The following ARHGEF16 variants were observed in gnomAD, a reference collection of about 807,000 sequenced individuals.
The protein encoded by ARHGEF16 is Rho guanine nucleotide exchange factor 16, also known as Rho guanine exchange factor (GEF) 16.
ARHGEF16 carries 59 observed loss-of-function variants against 74.1 expected under a neutral mutation model. The ratio of observed to expected loss-of-function variants is 0.80; its 90% CI spans 0.65 to 0.99. The LOEUF is 0.99. Ranked by LOEUF, ARHGEF16 falls within the 50% of genes least tolerant of loss-of-function variation. The pLI is 0.00. For synonymous variants in ARHGEF16, 415 were observed against 412.6 expected, an observed-to-expected ratio of 1.01 and a Z score of -0.07; for missense variants, 948 against 986.6, an observed-to-expected ratio of 0.96 and a Z score of 0.52.
At chr1:3,477,775 TG>T in intron 10 of ARHGEF16, 99 bp from the exon 11 acceptor site, 2 of 1,137,142 alleles carry the variant, frequency 1.8e-6, no homozygotes, top group African/African-American at 3.1e-5. Context: ...CAGTCCCACC[TG>T]GTGCTATGCG....
intron 1 of ARHGEF16, among the ~76,000 whole-genome samples, chr1:3,461,374 A>G (rs1202574147): frequency 6.6e-6 from 1 of 152,142 alleles, no homozygotes; most frequent in African/African-American, 2.4e-5. Context: ...TTCCCACCGT[A>G]CCTTCAGGAG....
intron 10 of ARHGEF16, among the ~76,000 whole-genome samples, chr1:3,477,651 G>T (rs1039329423): frequency 5.9e-4 from 14 of 23,850 alleles, no homozygotes; most frequent in African/African-American, 1.2e-3. Flanking sequence ...TATCGGGCAG[G>T]GTCTGGTCCG....
chr1:3,480,741 A>G lies in ARHGEF16; in HGVS notation c.*154A>G, dbSNP rs1298181148. 1.9e-6 allele frequency: 2 copies of G among 1,061,792 alleles called. No homozygotes were observed. The highest frequency in any genetic ancestry group is 3.3e-5 in the South Asian group (2 of 59,956). The allele number at this position is 1,061,792 out of a possible 1,614,324, so 65.8% of individuals were successfully genotyped here. A position where few individuals can be genotyped will look rare whatever the true frequency, so the allele number is the denominator to read the frequency against. ...GTGGCTGTGGTGCCGGGCTCCAGAC[A>G]CTTCACGGAAGGAAGATCACATGTC... On this transcript the variant is annotated 3_prime_UTR_variant, in exon 15 of 15. Transcript: ENST00000378378.
intron 10 of ARHGEF16, among the ~76,000 whole-genome samples, chr1:3,477,321 A>ACCCCATCACCCCACAACCCAC (rs1639910266): frequency 1.2e-4 from 1 of 8,474 alleles, no homozygotes; most frequent in African/African-American, 5.0e-4. Context: ...CACACTACCC[A>ACCCCATCACCCCACAACCCAC]CCCCATCACC....
At chr1:3,458,443 C>G (rs2100730236) in intron 1 of ARHGEF16, among the ~76,000 whole-genome samples, 1 of 152,372 alleles carries the variant, frequency 6.6e-6, no homozygotes, top group South Asian at 2.1e-4. Context: ...CTCCCCTTCA[C>G]TGGCTCCACC....
intron 8 of ARHGEF16, 74 bp downstream of exon 8, chr1:3,473,596 G>GAC (rs757678347): frequency 2.5e-6 from 4 of 1,590,164 alleles, no homozygotes; most frequent in Non-Finnish European, 3.4e-6. Context: ...GCCCCGGATG[G>GAC]AGCATTACGT....
intron 2 of ARHGEF16, among the ~76,000 whole-genome samples, chr1:3,465,372 C>T (rs1356472884): frequency 9.2e-5 from 14 of 151,900 alleles, no homozygotes; most frequent in Non-Finnish European, 1.5e-5. Context: ...GGAGGGTTAG[C>T]GCAGAGGCAG....
intron 1 of ARHGEF16, among the ~76,000 whole-genome samples, chr1:3,462,377 CAT>C (rs1006544816): frequency 5.9e-5 from 9 of 152,200 alleles, no homozygotes; most frequent in African/African-American, 2.2e-4. Flanking sequence ...CCGCGACAGT[CAT>C]ATCACTGTGT....
At position 3,473,380 on chromosome 1, in the gene ARHGEF16, T is replaced by C; in HGVS notation, c.1176-13T>C. 6.3e-7 allele frequency: 1 copy of C among 1,599,184 alleles called. No individual in the cohort carries two copies. The highest frequency in any genetic ancestry group is 2.2e-5 in the East Asian group (1 of 44,730). On this transcript the variant is annotated splice_polypyrimidine_tract_variant and intron_variant, in intron 7 of 14. Coordinates refer to ENST00000378378, the MANE Select transcript of ARHGEF16 (RefSeq NM_014448.4). ...CATGCAGAGCCTGGAAGGACAGCCT[T>C]GTCCTCTTGCAGAAGCAGCAACGCC... is the stretch of plus-strand genomic sequence containing the variant.
chr1:3,462,351 A>G (rs901984023), intron 1 of ARHGEF16, among the ~76,000 whole-genome samples: 4 of 152,184 alleles, frequency 2.6e-5, no homozygotes, highest in Non-Finnish European at 4.4e-5. Context: ...GTGTGTGGAA[A>G]GGTTCCATGG....
At chr1:3,466,263 G>C in intron 3 of ARHGEF16, 70 bp downstream of exon 3, 1 of 1,471,676 alleles carries the variant, frequency 6.8e-7, no homozygotes, top group Admixed American at 2.6e-5. Context: ...GGCACCCTGG[G>C]GTTCGGGTGG....
At chr1:3,469,936 A>G (rs1488418948) in intron 6 of ARHGEF16, among the ~76,000 whole-genome samples, 1 of 152,242 alleles carries the variant, frequency 6.6e-6, no homozygotes, top group African/African-American at 2.4e-5. Context: ...AGTGGTGGCC[A>G]CAAGCTGCTC....
chr1:3,474,707 G>T lies in ARHGEF16; in HGVS notation c.1306-1G>T. 1 of 1,612,776 alleles carries T rather than the reference G, an allele frequency of 6.2e-7. No homozygotes were observed. The highest frequency in any genetic ancestry group is 1.1e-5 in the South Asian group (1 of 91,086). ...CTGTCCCATGTCTGTTGTCCATCCA[G>T]ACGCTCTGCCTCAAGACCCAGGGCC... On this transcript the variant is annotated splice_acceptor_variant, in intron 8 of 14. Coordinates refer to ENST00000378378, the MANE Select transcript of ARHGEF16 (RefSeq NM_014448.4). LOFTEE classifies it high-confidence loss of function.
rs1035069959 is a variant in ARHGEF16 at position 3,477,122 on chromosome 1, G to C, written c.1474-753G>C. 4.0e-5 allele frequency among the ~76,000 whole-genome samples: 6 copies of C among 151,850 alleles called. 1 individual carries two copies. In the South Asian group the frequency reaches 8.3e-4, roughly 21 times the overall value. On this transcript the variant is annotated intron_variant, in intron 10 of 14. Coordinates refer to ENST00000378378, the MANE Select transcript of ARHGEF16 (RefSeq NM_014448.4). ...GAGGGTGGTGGCAGAGGCCGGGAGC[G>C]GGAGGTGCCGGGGGCTCTGAGTCTG...
chr1:3,469,142 C>T lies in ARHGEF16; in HGVS notation c.861+206C>T, dbSNP rs574151063. 3.3e-5 allele frequency among the ~76,000 whole-genome samples: 5 copies of T among 152,282 alleles called. No homozygotes were observed. The South Asian group carries it at 8.3e-4, about 25-fold the overall frequency. On this transcript the variant is annotated intron_variant, in intron 5 of 14. Coordinates refer to ENST00000378378, the MANE Select transcript of ARHGEF16 (RefSeq NM_014448.4). ...CCCTGACGGAGCCCCTTCACGTCAC[C>T]GGGTGAATCCTCGGAGTCCAGGGGC... is the stretch of plus-strand genomic sequence containing the variant.
At chr1:3,456,496 C>A (rs538463252) in intron 1 of ARHGEF16, among the ~76,000 whole-genome samples, 1 of 152,328 alleles carries the variant, frequency 6.6e-6, no homozygotes, top group East Asian at 1.9e-4. Context: ...AACCCCCACT[C>A]CCCCCGGTCC....
At chr1:3,471,804 T>G (rs1569864087) in intron 6 of ARHGEF16, 1 of 1,088,792 alleles carries the variant, frequency 9.2e-7, no homozygotes, top group African/African-American at 1.7e-5. Flanking sequence ...AAGCGGCTGG[T>G]GGGCGGCTCT....
At chr1:3,469,310 CTG>C (rs1639637630) in intron 5 of ARHGEF16, 121 bp from the exon 6 acceptor site, 4 of 1,132,404 alleles carry the variant, frequency 3.5e-6, no homozygotes, top group Non-Finnish European at 5.1e-6. Flanking sequence ...AGGGGTGTGT[CTG>C]GGGTTCCTGT....
intron 4 of ARHGEF16, 197 bp from the exon 5 acceptor site, chr1:3,468,683 A>G (rs1341924870): frequency 9.6e-6 from 6 of 627,894 alleles, no homozygotes; most frequent in Non-Finnish European, 1.4e-5. Context: ...GGCTGACCCA[A>G]GGCGGGTTAC....
Sources: allele counts gnomAD v4.1 joint callset (sites outside exome capture counted in the v4.1 genomes callset), GRCh38; gene constraint gnomAD v4.1.1; transcripts MANE v1.5; gene names NCBI Gene and HGNC (gene_info 2026-07-23, HGNC 2026-07-21).